The following SOX6 variants were observed in gnomAD, a reference collection of about 807,000 sequenced individuals.
SOX6 encodes the protein SRY-box transcription factor 6.
SOX6 carries 11 observed loss-of-function variants against 97.8 expected under a neutral mutation model. The ratio of observed to expected loss-of-function variants is 0.11; its 90% CI spans 0.07 to 0.19. SOX6 has a LOEUF of 0.19. SOX6 is among the 10% of genes least tolerant of loss of function. SOX6 has a pLI of 1.00. For synonymous variants in SOX6, 360 were observed against 371.4 expected (o/e 0.97, Z 0.35); for missense variants, 810 against 1,039.5 (o/e 0.78, Z 3.04).
At chr11:15,995,104 C>T (rs1024119207) in intron 13 of SOX6, among the ~76,000 whole-genome samples, 4 of 152,112 alleles carry the variant, frequency 2.6e-5, no homozygotes, top group Non-Finnish European at 4.4e-5. Context: ...CCTGAACTTG[C>T]CATGTATTTG....
At chr11:16,039,788 G>A (rs1003191777) in intron 12 of SOX6, among the ~76,000 whole-genome samples, 6 of 151,898 alleles carry the variant, frequency 4.0e-5, no homozygotes, top group Admixed American at 3.9e-4. Flanking sequence ...ATTTTTTGAT[G>A]TTTTAGTTTT....
At chr11:16,232,520 T>C (rs761721241) in intron 4 of SOX6, among the ~76,000 whole-genome samples, 4 of 152,068 alleles carry the variant, frequency 2.6e-5, no homozygotes, top group Non-Finnish European at 5.9e-5. Context: ...TTGTGATTTA[T>C]ACATTCCAAG....
chr11:16,259,945 A>ATATATGTGTGTGTGTG (rs3059123), intron 3 of SOX6, among the ~76,000 whole-genome samples: 1 of 149,038 alleles, frequency 6.7e-6, no homozygotes, highest in African/African-American at 2.5e-5. Flanking sequence ...TGTCCCAAAT[A>ATATATGTGTGTGTGTG]TGTGTGTGTG....
intron 14 of SOX6, among the ~76,000 whole-genome samples, chr11:15,987,440 AACG>A (rs1401773544): frequency 6.6e-6 from 1 of 152,182 alleles, no homozygotes; most frequent in Non-Finnish European, 1.5e-5. Context: ...AGCCCCAATT[AACG>A]AAGAATTCTT....
intron 4 of SOX6, among the ~76,000 whole-genome samples, chr11:16,513,982 G>A (rs899956547): frequency 3.3e-5 from 5 of 151,846 alleles, no homozygotes; most frequent in Non-Finnish European, 7.4e-5. Flanking sequence ...AGGCCAATGC[G>A]GGAGAATTGC....
intron 3 of SOX6, among the ~76,000 whole-genome samples, chr11:16,292,215 T>C (rs1191518192): frequency 1.3e-5 from 2 of 152,142 alleles, no homozygotes; most frequent in African/African-American, 4.8e-5. Context: ...GAAAGTATAT[T>C]TTCAGCTGGA....
At chr11:16,075,242 G>C (rs1014753172) in intron 9 of SOX6, among the ~76,000 whole-genome samples, 13 of 152,198 alleles carry the variant, frequency 8.5e-5, no homozygotes, top group Non-Finnish European at 1.8e-4. Flanking sequence ...TAAAGAAAAA[G>C]AGGTTTAATA....
chr11:16,453,972 T>G (rs1468302508), intron 1 of SOX6, among the ~76,000 whole-genome samples: 1 of 152,106 alleles, frequency 6.6e-6, no homozygotes, highest in Non-Finnish European at 1.5e-5. Context: ...TATAAGTGAA[T>G]TGGGAATTGG....
At chr11:16,609,716 A>G (rs1848375091) in intron 4 of SOX6, among the ~76,000 whole-genome samples, 1 of 152,210 alleles carries the variant, frequency 6.6e-6, no homozygotes, top group African/African-American at 2.4e-5. Flanking sequence ...ACTCCAGATA[A>G]AAAAAGAGAT....
At chr11:16,361,338 T>C (rs940133010), upstream of SOX6, among the ~76,000 whole-genome samples, 4 of 152,044 alleles carry the variant, frequency 2.6e-5, no homozygotes, top group Non-Finnish European at 5.9e-5. Flanking sequence ...TGTTCCAAGA[T>C]TAAACAACTC....
intron 4 of SOX6, among the ~76,000 whole-genome samples, chr11:16,546,091 C>G (rs892340657): frequency 1.3e-5 from 2 of 150,718 alleles, no homozygotes; most frequent in East Asian, 2.0e-4. Flanking sequence ...AGAGGGCAAT[C>G]CTATTTACAA....
At chr11:16,294,073 G>C (rs1045538878) in intron 3 of SOX6, among the ~76,000 whole-genome samples, 2 of 151,854 alleles carry the variant, frequency 1.3e-5, no homozygotes, top group Non-Finnish European at 1.5e-5. Flanking sequence ...TTTTAGGTAA[G>C]CATGCTAATG....
Position 15,990,186 on chromosome 11 carries a change from G to C in SOX6, c.1733-956C>G, listed in dbSNP as rs547864010. Among the ~76,000 whole-genome samples the C allele has an allele frequency of 2.6e-5, 4 of 151,834 alleles. No homozygotes were observed. In the East Asian group the frequency reaches 5.8e-4, roughly 22 times the overall value. On this transcript the variant is annotated intron_variant, in intron 13 of 15. Transcript: ENST00000683767. Reference sequence around the variant, plus strand: ...CTTTCCACTCCTCTCAGGAATACGAGATACCTAAAGTTAATGATTATGCTG... The same window carrying C: ...CTTTCCACTCCTCTCAGGAATACGACATACCTAAAGTTAATGATTATGCTG...
chr11:16,030,482 G>C (rs1348907904), intron 12 of SOX6, among the ~76,000 whole-genome samples: 1 of 152,118 alleles, frequency 6.6e-6, no homozygotes, highest in East Asian at 1.9e-4. Flanking sequence ...GTTTCTACTT[G>C]AAGGTAAAGC....
At chr11:16,520,086 A>G (rs1259991759) in intron 4 of SOX6, among the ~76,000 whole-genome samples, 1 of 152,128 alleles carries the variant, frequency 6.6e-6, no homozygotes, top group Non-Finnish European at 1.5e-5. Flanking sequence ...TTCGTCATAG[A>G]TTCTGGATAT....
At chr11:16,138,326 C>G (rs1258128301) in intron 6 of SOX6, among the ~76,000 whole-genome samples, 1 of 152,098 alleles carries the variant, frequency 6.6e-6, no homozygotes, top group African/African-American at 2.4e-5. Flanking sequence ...AAGGTTAAGT[C>G]TAAAGAGTTT....
chr11:16,568,928 C>A (rs916411451), intron 4 of SOX6, among the ~76,000 whole-genome samples: 18 of 152,132 alleles, frequency 1.2e-4, no homozygotes, highest in Admixed American at 2.0e-4. Flanking sequence ...GGGCAGTAAC[C>A]TTTTACTTTT....
At chr11:16,663,882 C>T (rs1590043837) in intron 3 of SOX6, among the ~76,000 whole-genome samples, 1 of 152,244 alleles carries the variant, frequency 6.6e-6, no homozygotes, top group East Asian at 1.9e-4. Context: ...CAAATTCTTA[C>T]AAAATCATTT....
chr11:16,112,647 T>C (rs1849257768), intron 6 of SOX6, among the ~76,000 whole-genome samples: 1 of 152,162 alleles, frequency 6.6e-6, no homozygotes, highest in Non-Finnish European at 1.5e-5. Flanking sequence ...CCTCAATAAA[T>C]GTATCAAAGA....
Sources: gnomAD v4.1 joint callset for allele counts (sites outside exome capture counted in the v4.1 genomes callset) on GRCh38, gnomAD v4.1.1 for gene constraint, MANE v1.5 for transcripts, NCBI Gene and HGNC (gene_info 2026-07-23, HGNC 2026-07-21) for gene names.